TP63: variants seen among roughly 807,000 people sequenced by gnomAD.
TP63 encodes the protein tumor protein 63.
TP63 carries 17 observed loss-of-function variants against 82.8 expected under a neutral mutation model. That is an observed-to-expected ratio of 0.21 (90% confidence interval 0.14 to 0.31). The LOEUF (loss-of-function observed/expected upper bound fraction) is 0.31. Ranked by LOEUF, TP63 falls within the 10% of genes least tolerant of loss-of-function variation. The pLI is 1.00. For missense variants in TP63, 648 were observed against 895.3 expected, an observed-to-expected ratio of 0.72 and a Z score of 3.52; for synonymous variants, 330 against 321.7, an observed-to-expected ratio of 1.03 and a Z score of -0.28.
At chr3:189,875,616 A>ATATATG (rs1719042068) in intron 10 of TP63, among the ~76,000 whole-genome samples, 5 of 108,726 alleles carry the variant, frequency 4.6e-5, no homozygotes, top group Admixed American at 2.5e-4. Context: ...ATATATATAT[A>ATATATG]TATATATATA....
chr3:189,732,108 A>G (rs371936408), intron 1 of TP63, among the ~76,000 whole-genome samples: 3 of 152,204 alleles, frequency 2.0e-5, no homozygotes, highest in East Asian at 1.9e-4. Flanking sequence ...TACCTTAGAC[A>G]AGAAAAAGCT....
At chr3:189,718,689 TCAATTGTTAAAGAAA>T (rs1719145635) in intron 1 of TP63, among the ~76,000 whole-genome samples, 1 of 151,928 alleles carries the variant, frequency 6.6e-6, no homozygotes, top group Non-Finnish European at 1.5e-5. Context: ...ATTCAATGTT[TCAATTGTTAAAGAAA>T]CATGTAAACA....
chr3:189,603,669 AAAAAAAAG>A, the TP63 span, among the ~76,000 whole-genome samples: 8 of 132,672 alleles, frequency 6.0e-5, no homozygotes, highest in Non-Finnish European at 4.9e-5. Flanking sequence ...AAAAAAAAAA[AAAAAAAAG>A]AAGCACAGTC....
At chr3:189,667,168 ATTTTTTT>A (rs11439554) in intron 1 of TP63, among the ~76,000 whole-genome samples, 2 of 122,124 alleles carry the variant, frequency 1.6e-5, no homozygotes, top group African/African-American at 3.1e-5. Flanking sequence ...AGAAGTTAGA[ATTTTTTT>A]TTTTTTTTTT....
At chr3:189,600,213 T>C in the TP63 span, among the ~76,000 whole-genome samples, 1 of 152,168 alleles carries the variant, frequency 6.6e-6, no homozygotes, top group Non-Finnish European at 1.5e-5. Context: ...CTCATCACTG[T>C]TGGGAGAGGG....
chr3:189,728,319 A>G (rs1719918117), intron 1 of TP63, among the ~76,000 whole-genome samples: 1 of 152,234 alleles, frequency 6.6e-6, no homozygotes, highest in African/African-American at 2.4e-5. Flanking sequence ...AGACCTACAT[A>G]CACAAAATGG....
chr3:189,894,535 C>T lies in TP63; in HGVS notation c.*33C>T. On this transcript the variant is annotated 3_prime_UTR_variant, in exon 14 of 14. Transcript: ENST00000264731. The stretch of plus-strand genomic sequence containing the variant: ...CATGTGAGCTCTTCCTATCCCTCTC[C>T]TAACTGCCAGCCCCCTAAAAGCACT... 1 of 1,610,142 alleles carries T rather than the reference C, an allele frequency of 6.2e-7. No individual in the cohort carries two copies. The highest frequency in any genetic ancestry group is 8.5e-7 in the Non-Finnish European group (1 of 1,179,672).
chr3:189,805,845 T>TGAG (rs1168786387), intron 3 of TP63, among the ~76,000 whole-genome samples: 13 of 152,158 alleles, frequency 8.5e-5, no homozygotes, highest in Non-Finnish European at 4.4e-5. Context: ...AAAGGGAGAC[T>TGAG]GAGGAAATGT....
intron 3 of TP63, among the ~76,000 whole-genome samples, chr3:189,766,577 G>A (rs1019421817): frequency 1.3e-5 from 2 of 151,974 alleles, no homozygotes; most frequent in African/African-American, 4.8e-5. Context: ...TGTCTTCCTC[G>A]CAAGCCCTGC....
At chr3:189,738,809 C>T (rs368243466) in intron 3 of TP63, 35 bp downstream of exon 3, 49 of 1,612,276 alleles carry the variant, frequency 3.0e-5, no homozygotes, top group Non-Finnish European at 3.9e-5. Flanking sequence ...AGTCTTTGGG[C>T]CATGCTATCT....
chr3:189,738,864 G>C, intron 3 of TP63, 90 bp downstream of exon 3: 1 of 1,560,072 alleles, frequency 6.4e-7, no homozygotes, highest in Admixed American at 1.9e-5. Flanking sequence ...TGAAAAGGCA[G>C]GTGGCTCTGA....
At chr3:189,765,433 C>CTTTTTTTTTTGTTTTT (rs1722875011) in intron 3 of TP63, among the ~76,000 whole-genome samples, 1 of 30,088 alleles carries the variant, frequency 3.3e-5, no homozygotes, top group Non-Finnish European at 5.9e-5. Context: ...CTGTCCTCTG[C>CTTTTTTTTTTGTTTTT]TTTTTTTTTT....
chr3:189,614,484 C>A, the TP63 span, among the ~76,000 whole-genome samples: 1 of 152,154 alleles, frequency 6.6e-6, no homozygotes, highest in African/African-American at 2.4e-5. Context: ...ACTAATATAG[C>A]TGCCCTGTAT....
intron 4 of TP63, among the ~76,000 whole-genome samples, chr3:189,847,965 C>A (rs1471741924): frequency 6.6e-6 from 1 of 152,070 alleles, no homozygotes; most frequent in African/African-American, 2.4e-5. Flanking sequence ...TGTGTTTATT[C>A]ACTCAAATTC....
At chr3:189,887,131 C>T (rs1024358571) in intron 11 of TP63, among the ~76,000 whole-genome samples, 12 of 151,392 alleles carry the variant, frequency 7.9e-5, no homozygotes, top group Non-Finnish European at 1.6e-4. Context: ...ATCACTTGAA[C>T]CCGGGAGGCA....
intron 3 of TP63, among the ~76,000 whole-genome samples, chr3:189,752,664 G>A (rs1470942513): frequency 6.6e-6 from 1 of 151,764 alleles, no homozygotes; most frequent in African/African-American, 2.4e-5. Flanking sequence ...TTTTCAACTT[G>A]ATTATTTCCG....
intron 4 of TP63, among the ~76,000 whole-genome samples, chr3:189,825,483 T>G (rs1421949498): frequency 1.3e-5 from 2 of 152,184 alleles, no homozygotes; most frequent in Non-Finnish European, 2.9e-5. Flanking sequence ...TGGTAGAGAA[T>G]TTATGCAAAG....
intron 4 of TP63, among the ~76,000 whole-genome samples, chr3:189,832,701 C>T (rs905794118): frequency 6.6e-6 from 1 of 152,120 alleles, no homozygotes; most frequent in African/African-American, 2.4e-5. Context: ...TGTTGAGTAC[C>T]AGGTCAAAAA....
At chr3:189,719,841 C>A (rs1421742831) in intron 1 of TP63, among the ~76,000 whole-genome samples, 3 of 152,146 alleles carry the variant, frequency 2.0e-5, no homozygotes, top group African/African-American at 7.2e-5. Flanking sequence ...AAGCAAATTT[C>A]TTTCTTGAAA....
Sources: allele counts gnomAD v4.1 joint callset (sites outside exome capture counted in the v4.1 genomes callset), GRCh38; gene constraint gnomAD v4.1.1; transcripts MANE v1.5; gene names NCBI Gene and HGNC (gene_info 2026-07-23, HGNC 2026-07-21).